Variants in CDC5L observed in about 807,000 individuals in gnomAD.
CDC5L encodes cell division cycle 5 like.
A neutral mutation model predicts 104.1 loss-of-function variants in CDC5L; 18 were observed. That is an observed-to-expected ratio of 0.17 (90% CI 0.12 to 0.26). The LOEUF (loss-of-function observed/expected upper bound fraction) is 0.26, where lower values mean the gene tolerates loss of function less well. Ranked by LOEUF, CDC5L falls within the 10% of genes least tolerant of loss-of-function variation. The probability of loss-of-function intolerance (pLI) is 1.00; values close to 1 mark genes in which losing one functional copy is unlikely to be tolerated. For missense variants in CDC5L, 673 were observed against 956.9 expected, an observed-to-expected ratio of 0.70 and a Z score of 3.91; for synonymous variants, 331 against 322.7, an observed-to-expected ratio of 1.03 and a Z score of -0.28.
At position 44,424,508 on chromosome 6, in the gene CDC5L, C is replaced by T. The variant is rs371297756; in HGVS notation, c.1494C>T (p.Ala498=). 3.3e-5 allele frequency: 54 copies of T among 1,613,620 alleles called. No individual in the cohort carries two copies. The highest frequency in any genetic ancestry group is 5.3e-5 in the African/African-American group (4 of 74,846). Residue 498 remains alanine, a synonymous_variant, in exon 11 of 16, where the codon GCC becomes GCT. Transcript: ENST00000371477. ...NDFEIVLPEN[A]EKELEEREID... ...TTGAAATTGTTCTACCAGAAAATGC[C>T]GAGAAGGAGCTGGAAGAACGTGAAA...
chr6:44,426,309 TC>T, intron 12 of CDC5L, 126 bp downstream of exon 12: 1 of 772,782 alleles, frequency 1.3e-6, no homozygotes, highest in African/African-American at 1.8e-5. Flanking sequence ...GCAAAGTAGT[TC>T]TCAAATCCAA....
chr6:44,405,607 T>C (rs886501344), intron 6 of CDC5L, among the ~76,000 whole-genome samples: 1 of 152,208 alleles, frequency 6.6e-6, no homozygotes, highest in Non-Finnish European at 1.5e-5. Flanking sequence ...GAAATTTAAT[T>C]ATGTTTTAAT....
intron 9 of CDC5L, among the ~76,000 whole-genome samples, chr6:44,421,597 G>A (rs1256085860): frequency 1.3e-5 from 2 of 152,112 alleles, no homozygotes; most frequent in African/African-American, 4.8e-5. Context: ...TGTATCTGAG[G>A]ATTCCACATC....
At chr6:44,441,932 CTTTT>C (rs145016358) in intron 14 of CDC5L, among the ~76,000 whole-genome samples, 2 of 92,868 alleles carry the variant, frequency 2.2e-5, no homozygotes, top group African/African-American at 8.8e-5. Context: ...AGGTCTTGTT[CTTTT>C]TTTTTTTTTT....
chr6:44,402,304 T>G (rs1250153857), intron 5 of CDC5L, among the ~76,000 whole-genome samples: 1 of 151,928 alleles, frequency 6.6e-6, no homozygotes, highest in Admixed American at 6.6e-5. Flanking sequence ...CTCCACATCC[T>G]CTCCAGCACC....
chr6:44,401,770 C>T (rs970295551), intron 5 of CDC5L, among the ~76,000 whole-genome samples: 3 of 151,424 alleles, frequency 2.0e-5, no homozygotes, highest in Non-Finnish European at 4.4e-5. Flanking sequence ...CATCATTTAG[C>T]ATTAGGTATA....
At chr6:44,428,731 A>G (rs1792537895) in intron 13 of CDC5L, among the ~76,000 whole-genome samples, 1 of 151,916 alleles carries the variant, frequency 6.6e-6, no homozygotes, top group East Asian at 1.9e-4. Context: ...ATTTTACACT[A>G]TTTTCTTTAG....
rs550214338 is a variant in CDC5L at position 44,426,122 on chromosome 6, G to A, written c.1589G>A (p.Arg530His). Reference protein sequence around the residue: ...ARKQAIRDAERVKEMKRMHKA... With the variant: ...ARKQAIRDAEHVKEMKRMHKA... ...TTTTAGGCCATACGAGATGCAGAGC[G>A]TGTAAAGGAAATGAAACGAATGCAT... Residue 530 changes from arginine (R) to histidine (H), a missense_variant, in exon 12 of 16, where the codon CGT becomes CAT. By Grantham distance (29) the Arg-to-His change is conservative (BLOSUM62 0). This residue lies in a region of CDC5L where 578 missense variants were observed against 737.0 expected (regional missense o/e 0.78). Coordinates refer to ENST00000371477, the MANE Select transcript of CDC5L (RefSeq NM_001253.4). 1.1e-4 allele frequency: 182 copies of A among 1,605,768 alleles called. No individual in the cohort carries two copies. The highest frequency in any genetic ancestry group is 1.6e-4 in the Middle Eastern group (1 of 6,064).
At chr6:44,396,307 A>G (rs922735437) in intron 4 of CDC5L, 34 bp from the exon 5 acceptor site, 3 of 1,458,284 alleles carry the variant, frequency 2.1e-6, no homozygotes, top group Non-Finnish European at 2.9e-6. Context: ...AGAACTAAGA[A>G]AATACTTAGT....
chr6:44,392,548 G>A, intron 2 of CDC5L, 119 bp from the exon 3 acceptor site: 1 of 827,802 alleles, frequency 1.2e-6, no homozygotes, highest in Non-Finnish European at 1.9e-6. Flanking sequence ...ATATTCTGTT[G>A]TCAAAAAGAA....
chr6:44,393,119 A>T (rs889548012), intron 3 of CDC5L, among the ~76,000 whole-genome samples: 4 of 150,810 alleles, frequency 2.7e-5, no homozygotes, highest in African/African-American at 9.7e-5. Context: ...CCATAATCAC[A>T]CTGCTAAGAA....
intron 14 of CDC5L, among the ~76,000 whole-genome samples, chr6:44,440,142 C>G (rs1040332988): frequency 6.6e-6 from 1 of 151,652 alleles, no homozygotes; most frequent in Non-Finnish European, 1.5e-5. Context: ...TTTAAAGGAG[C>G]TTCTTCATTT....
At chr6:44,411,820 C>T (rs1361187932) in intron 8 of CDC5L, among the ~76,000 whole-genome samples, 4 of 152,088 alleles carry the variant, frequency 2.6e-5, no homozygotes, top group African/African-American at 9.7e-5. Context: ...AAATATCTAG[C>T]ATATCAGAAG....
rs1377263940 is a variant in CDC5L, at chr6:44,449,591, A to G, written c.*2880A>G. 6.6e-6 allele frequency: 1 copy of G among 152,238 alleles called. No individual in the cohort carries two copies. Among genetic ancestry groups the G allele is most frequent in the Non-Finnish European group, 1.5e-5 (1 of 68,048 alleles). The allele number at this position is 152,238 out of a possible 1,614,324, so 9.4% of individuals were successfully genotyped here. A position where few individuals can be genotyped will look rare whatever the true frequency, so the allele number is the denominator to read the frequency against. ...GGTATTGTTAAAACTTGTGTTAAGC[A>G]TGTTAAAGTCTCAGTAACTTTGGGA... On this transcript the variant is annotated 3_prime_UTR_variant, in exon 16 of 16. Transcript: ENST00000371477.
chr6:44,446,189 G>A (rs897633930), intron 15 of CDC5L, among the ~76,000 whole-genome samples: 2 of 152,212 alleles, frequency 1.3e-5, no homozygotes, highest in African/African-American at 4.8e-5. Context: ...TCAGTGAGGG[G>A]AAACTAAACC....
chr6:44,390,370 T>G lies in CDC5L; in HGVS notation c.148T>G (p.Trp50Gly). Residue 50 changes from tryptophan to glycine, a missense_variant and splice_region_variant, in exon 2 of 16, where the codon TGG becomes GGG. By Grantham distance (184) the Trp-to-Gly change is radical. Around this residue, in one of 4 missense-constraint regions of CDC5L, gnomAD observed 74 missense variants for 123.5 expected, o/e 0.60. Coordinates refer to ENST00000371477, the MANE Select transcript of CDC5L (RefSeq NM_001253.4). ...ATCAGCAAAGCAGTGCAAAGCCAGA[T>G]GGTATGTATCAGTTTAATAAGTGGA... ...RKSAKQCKAR[W>G]YEWLDPSIKK... 6.3e-7 allele frequency: 1 copy of G among 1,585,046 alleles called. No individual in the cohort carries two copies. Among genetic ancestry groups the G allele is most frequent in the Non-Finnish European group, 8.7e-7 (1 of 1,154,224 alleles).
intron 6 of CDC5L, among the ~76,000 whole-genome samples, chr6:44,404,614 T>C (rs1232039201): frequency 6.6e-6 from 1 of 152,176 alleles, no homozygotes; most frequent in Non-Finnish European, 1.5e-5. Context: ...CATCTTAACT[T>C]TTATGTACAT....
chr6:44,430,079 G>A (rs1561978030), intron 14 of CDC5L, among the ~76,000 whole-genome samples, 169 bp downstream of exon 14: 1 of 149,624 alleles, frequency 6.7e-6, no homozygotes, highest in East Asian at 2.0e-4. Context: ...CTTGTTCATT[G>A]TTTTTTTTTG....
In CDC5L at chr6:44,403,940, T is replaced by G; in HGVS notation, c.671T>G (p.Phe224Cys). ...TTTGAAAAAAAGCCTGCCCTTGGTT[T>G]TTATGATACTTCTGAGGAAAACTAC... The part of the protein sequence containing the change: ...IPFEKKPALG[F>C]YDTSEENYQA... The change falls in exon 6 of 16, where the codon TTT becomes TGT. Residue 224 changes from phenylalanine (F) to cysteine (C), a missense_variant. Around this residue, in one of 4 missense-constraint regions of CDC5L, gnomAD observed 578 missense variants for 737.0 expected, o/e 0.78. Coordinates refer to ENST00000371477, the MANE Select transcript of CDC5L (RefSeq NM_001253.4). The G allele has an allele frequency of 6.2e-7, 1 of 1,613,910 alleles. No individual in the cohort carries two copies. The highest frequency in any genetic ancestry group is 8.5e-7 in the Non-Finnish European group (1 of 1,179,946).
Sources: allele counts gnomAD v4.1 joint callset (sites outside exome capture counted in the v4.1 genomes callset), GRCh38; gene constraint gnomAD v4.1.1; regional missense constraint gnomAD v4.1.1; transcripts MANE v1.5; gene names NCBI Gene and HGNC (gene_info 2026-07-23, HGNC 2026-07-21).